MSRA: variants seen among roughly 807,000 people sequenced by gnomAD.
MSRA encodes mitochondrial peptide methionine sulfoxide reductase.
Under a neutral mutation model 31.3 loss-of-function variants are expected in MSRA, and 54 were observed. The observed-to-expected ratio is 1.73, with a 90% CI of 1.39 to 2.17. The LOEUF (loss-of-function observed/expected upper bound fraction) is 2.17, where lower values mean the gene tolerates loss of function less well. Ranked by LOEUF, MSRA falls within the 30% of genes most tolerant of loss-of-function variation. The pLI, the probability that MSRA is intolerant of heterozygous loss-of-function variation, is 0.00. For synonymous variants in MSRA, 169 were observed against 116.5 expected (o/e 1.45, Z -2.90); for missense variants, 507 against 300.9 (o/e 1.69, Z -5.07).
At chr8:10,294,779 G>C (rs1360087329) in intron 3 of MSRA, among the ~76,000 whole-genome samples, 2 of 152,072 alleles carry the variant, frequency 1.3e-5, no homozygotes, top group Non-Finnish European at 2.9e-5. Flanking sequence ...GCTGTTTTCT[G>C]AGGAACCAGT....
intron 1 of MSRA, among the ~76,000 whole-genome samples, chr8:10,197,699 A>T (rs990788648): frequency 6.6e-6 from 1 of 152,136 alleles, no homozygotes; most frequent in African/African-American, 2.4e-5. Flanking sequence ...CCCTGCCTAC[A>T]CATGCCCACC....
At chr8:10,182,946 C>G (rs1806675008) in intron 1 of MSRA, among the ~76,000 whole-genome samples, 1 of 152,284 alleles carries the variant, frequency 6.6e-6, no homozygotes, top group East Asian at 1.9e-4. Context: ...TTCTGTTTTC[C>G]CCCTTTACAT....
At chr8:10,119,697 A>G (rs1800965014) in intron 1 of MSRA, among the ~76,000 whole-genome samples, 1 of 152,206 alleles carries the variant, frequency 6.6e-6, no homozygotes, top group African/African-American at 2.4e-5. Context: ...GTCAGTGAAG[A>G]CAGTCGTAAG....
At position 10,428,267 on chromosome 8, in the gene MSRA, C is replaced by T. The variant is rs1342084856; in HGVS notation, c.663C>T (p.Gly221=). 1.2e-6 allele frequency: 2 copies of T among 1,614,190 alleles called. No individual in the cohort carries two copies. Among genetic ancestry groups the T allele is most frequent in the Admixed American group, 1.7e-5 (1 of 60,026 alleles). ...YLSKNPNGYC[G]LGGTGVSCPV... ...GCAAGAACCCCAATGGCTACTGCGG[C>T]CTTGGGGGCACCGGCGTGTCCTGCC... Residue 221 remains glycine, a synonymous_variant, in exon 6 of 6, where the codon GGC becomes GGT. Coordinates refer to ENST00000317173, the MANE Select transcript of MSRA (RefSeq NM_012331.5).
At chr8:10,189,323 G>A (rs563406653) in intron 1 of MSRA, among the ~76,000 whole-genome samples, 16 of 151,808 alleles carry the variant, frequency 1.1e-4, no homozygotes, top group Non-Finnish European at 1.9e-4. Flanking sequence ...TTTCATTTTT[G>A]TACGATTTTT....
At chr8:10,227,391 A>G (rs1563242741) in intron 2 of MSRA, among the ~76,000 whole-genome samples, 1 of 152,184 alleles carries the variant, frequency 6.6e-6, no homozygotes, top group Non-Finnish European at 1.5e-5. Flanking sequence ...GGAATGGGCT[A>G]CTTCAAGAGG....
At chr8:10,250,112 C>T (rs926058270) in intron 3 of MSRA, among the ~76,000 whole-genome samples, 7 of 152,122 alleles carry the variant, frequency 4.6e-5, no homozygotes, top group Non-Finnish European at 1.0e-4. Context: ...TCTCTTTACA[C>T]ATGCACACAC....
At chr8:10,210,361 T>A (rs1253834998) in intron 2 of MSRA, among the ~76,000 whole-genome samples, 2 of 152,218 alleles carry the variant, frequency 1.3e-5, no homozygotes, top group Non-Finnish European at 2.9e-5. Flanking sequence ...TCTGCACTGG[T>A]TCAAGGAACC....
chr8:10,231,180 T>C (rs1811443762), intron 2 of MSRA, among the ~76,000 whole-genome samples: 1 of 151,598 alleles, frequency 6.6e-6, no homozygotes, highest in African/African-American at 2.4e-5. Flanking sequence ...AGGAGGGAGC[T>C]GAGGCGGGCG....
intron 1 of MSRA, among the ~76,000 whole-genome samples, chr8:10,076,260 C>T (rs930500467): frequency 2.2e-4 from 33 of 152,318 alleles, no homozygotes; most frequent in African/African-American, 7.9e-4. Flanking sequence ...AGTAGGGACA[C>T]TTAGGGGACA....
intron 2 of MSRA, among the ~76,000 whole-genome samples, chr8:10,214,159 T>A (rs924958219): frequency 1.1e-4 from 17 of 152,146 alleles, no homozygotes; most frequent in Non-Finnish European, 2.9e-5. Context: ...ATGTGTTTTT[T>A]GTCGCACGGC....
intron 5 of MSRA, among the ~76,000 whole-genome samples, chr8:10,392,998 C>T (rs1210009917): frequency 4.4e-5 from 6 of 137,700 alleles, no homozygotes; most frequent in African/African-American, 5.5e-5. Flanking sequence ...GGAGGCGGAG[C>T]TTGCAGTGAG....
At chr8:10,219,806 C>CAAAAAAAAAA (rs59393980) in intron 2 of MSRA, among the ~76,000 whole-genome samples, 837 of 57,002 alleles carry the variant, frequency 0.015, 115 homozygotes, top group African/African-American at 0.047. Flanking sequence ...ACTCTGTCTC[C>CAAAAAAAAAA]AAAAAAAAAA....
chr8:10,367,481 G>GC (rs1805233485), intron 5 of MSRA, among the ~76,000 whole-genome samples: 1 of 152,194 alleles, frequency 6.6e-6, no homozygotes, highest in Non-Finnish European at 1.5e-5. Context: ...ATCCCTCATG[G>GC]ATAAGGAGGG....
chr8:10,130,150 C>A (rs1330830467), intron 1 of MSRA, among the ~76,000 whole-genome samples: 1 of 152,178 alleles, frequency 6.6e-6, no homozygotes. Flanking sequence ...GACTGTCAGG[C>A]AGTCCCTTAT....
At chr8:10,272,452 G>A (rs754602370) in intron 3 of MSRA, among the ~76,000 whole-genome samples, 2 of 152,214 alleles carry the variant, frequency 1.3e-5, no homozygotes, top group Non-Finnish European at 2.9e-5. Flanking sequence ...CTTCAAGCCG[G>A]AGGAGTCCTT....
At chr8:10,074,203 C>T (rs1486311749) in intron 1 of MSRA, among the ~76,000 whole-genome samples, 2 of 151,090 alleles carry the variant, frequency 1.3e-5, no homozygotes, top group Non-Finnish European at 2.9e-5. Flanking sequence ...CTGCCTTATC[C>T]TCCCGAGTAC....
intron 3 of MSRA, among the ~76,000 whole-genome samples, chr8:10,272,316 AGCT>A (rs1390439863): frequency 2.0e-5 from 3 of 152,208 alleles, no homozygotes; most frequent in African/African-American, 4.8e-5. Flanking sequence ...CCAAGATCTA[AGCT>A]GGAGAACAAG....
chr8:10,417,764 G>GTGTC (rs1808563753), intron 5 of MSRA, among the ~76,000 whole-genome samples: 1 of 150,580 alleles, frequency 6.6e-6, no homozygotes, highest in South Asian at 2.1e-4. Flanking sequence ...TTGTGTGTGT[G>GTGTC]TGTGTGTGTG....
Sources: allele counts gnomAD v4.1 joint callset (sites outside exome capture counted in the v4.1 genomes callset), GRCh38; gene constraint gnomAD v4.1.1; transcripts MANE v1.5; gene names NCBI Gene and HGNC (gene_info 2026-07-23, HGNC 2026-07-21).